MGAM2: variants seen among roughly 807,000 people sequenced by gnomAD.
The protein encoded by MGAM2 is maltase-glucoamylase 2 (putative).
A neutral mutation model predicts 96.1 loss-of-function variants in MGAM2; 98 were observed. The observed-to-expected ratio is 1.02, with a 90% confidence interval of 0.87 to 1.21. The LOEUF (loss-of-function observed/expected upper bound fraction) is 1.21. Ranked by LOEUF, MGAM2 falls within the 50% of genes most tolerant of loss-of-function variation. MGAM2 has a pLI of 0.00. For synonymous variants in MGAM2, 749 were observed against 414.8 expected, an observed-to-expected ratio of 1.81 and a Z score of -9.79; for missense variants, 2,055 against 1,182.4, an observed-to-expected ratio of 1.74 and a Z score of -10.82.
chr7:142,122,886 C>T (rs932396754), intron 3 of MGAM2, among the ~76,000 whole-genome samples: 1 of 152,038 alleles, frequency 6.6e-6, no homozygotes, highest in African/African-American at 2.4e-5. Flanking sequence ...CTGGAGTGCA[C>T]TGGGGCGATC....
rs898442833 is a variant in MGAM2 at position 142,164,837 on chromosome 7, C to CT, written c.2485-11dup. ...CTGAAGTACCTGGTTTCCAATCTGA[C>CT]TTTTTTTTCCCCTCCCAGAACCATC... On this transcript the variant is annotated intron_variant, in intron 23 of 47. Transcript: ENST00000477922. 4.0e-5 allele frequency: 27 copies of CT among 672,364 alleles called. No homozygotes were observed. Among genetic ancestry groups the CT allele is most frequent in the African/African-American group, 1.8e-4 (10 of 55,584 alleles). 41.6% of individuals were successfully genotyped at this position (672,364 alleles called of 1,614,324 possible). A position where few individuals can be genotyped will look rare whatever the true frequency, so the allele number is the denominator to read the frequency against.
In MGAM2 at chr7:142,114,134, AAAAG is replaced by A. The variant is rs1168817870; in HGVS notation, c.-1+2342_-1+2345del. 8.1e-5 allele frequency among the ~76,000 whole-genome samples: 9 copies of A among 110,582 alleles called. 1 individual carries two copies. The highest frequency in any genetic ancestry group is 1.3e-4 in the Non-Finnish European group (7 of 54,682). The allele number at this position is 110,582 out of a possible 152,430, so 72.5% of individuals were successfully genotyped here. ...CAACAGAGCGAGACTCCATCTCAAAAAAAGAAAGAAAGAAAGAAGGAAAGAAAGA... is the reference window on the plus strand; with the variant it reads ...CAACAGAGCGAGACTCCATCTCAAAAAAAGAAAGAAAGAAGGAAAGAAAGA... On this transcript the variant is annotated intron_variant, in intron 1 of 47. Coordinates refer to ENST00000477922, the MANE Select transcript of MGAM2 (RefSeq NM_001293626.2).
intron 45 of MGAM2, among the ~76,000 whole-genome samples, chr7:142,202,238 G>A (rs1341553937): frequency 1.3e-5 from 2 of 152,138 alleles, no homozygotes; most frequent in East Asian, 3.8e-4. Flanking sequence ...GTATCCATAG[G>A]CGGTTGGTTC....
chr7:142,218,813 TG>T (rs1181826864), intron 47 of MGAM2, among the ~76,000 whole-genome samples: 1 of 152,172 alleles, frequency 6.6e-6, no homozygotes, highest in African/African-American at 2.4e-5. Flanking sequence ...TGCTATGTTT[TG>T]ATAGGTTAGT....
At chr7:142,112,602 C>T (rs1563241726) in intron 1 of MGAM2, among the ~76,000 whole-genome samples, 1 of 152,136 alleles carries the variant, frequency 6.6e-6, no homozygotes, top group East Asian at 1.9e-4. Flanking sequence ...GAGACCGATC[C>T]TCTAAGTCTT....
At chr7:142,178,932 T>G (rs980016780) in intron 32 of MGAM2, among the ~76,000 whole-genome samples, 1 of 152,194 alleles carries the variant, frequency 6.6e-6, no homozygotes, top group African/African-American at 2.4e-5. Context: ...TTGTGTCATC[T>G]CTGATTTCCT....
intron 15 of MGAM2, among the ~76,000 whole-genome samples, chr7:142,152,596 A>T (rs1004621079): frequency 3.9e-5 from 6 of 152,166 alleles, no homozygotes; most frequent in Admixed American, 1.3e-4. Flanking sequence ...GTGATAGTGT[A>T]TTGAGGAATT....
rs1211849969 is a variant in MGAM2, at chr7:142,111,788, G to GA, written c.-13dup. 1.3e-5 allele frequency: 2 copies of GA among 152,156 alleles called. No homozygotes were observed. The highest frequency in any genetic ancestry group is 2.9e-5 in the Non-Finnish European group (2 of 68,040). The allele number at this position is 152,156 out of a possible 1,614,324, so 9.4% of individuals were successfully genotyped here. On this transcript the variant is annotated 5_prime_UTR_variant, in exon 1 of 48. Coordinates refer to ENST00000477922, the MANE Select transcript of MGAM2 (RefSeq NM_001293626.2). The stretch of plus-strand genomic sequence containing the variant: ...ATTGCTGAGGGAGAGATACAGCATA[G>GA]AAAAAAACAAGGTGATGCGGTGAGT...
In MGAM2 at chr7:142,217,162, T is replaced by C. The variant is rs569552813; in HGVS notation, c.5188-1199T>C. Among the ~76,000 whole-genome samples, 20 of 152,324 alleles carry C rather than the reference T, an allele frequency of 1.3e-4. 1 individual carries two copies. In the South Asian group the frequency reaches 4.1e-3, roughly 32 times the overall value. ...ATCCACTATGATTTTCATTTGGGCC[T>C]TCATCATGTGCCACCTCATAATTTA... On this transcript the variant is annotated intron_variant, in intron 46 of 47. Transcript: ENST00000477922.
chr7:142,153,955 T>G, intron 15 of MGAM2, 63 bp from the exon 16 acceptor site: 1 of 507,746 alleles, frequency 2.0e-6, no homozygotes, highest in Non-Finnish European at 3.6e-6. Context: ...CTGCTCTTAT[T>G]GTAAGGTGAG....
intron 3 of MGAM2, among the ~76,000 whole-genome samples, chr7:142,123,886 G>GT (rs1471893829): frequency 2.9e-5 from 4 of 137,062 alleles, no homozygotes; most frequent in Non-Finnish European, 6.2e-5. Context: ...AAGCATTATT[G>GT]TTTTATCCTT....
chr7:142,159,476 T>C lies in MGAM2; in HGVS notation c.2220+133T>C. 2.1e-5 allele frequency: 13 copies of C among 609,754 alleles called. No homozygotes were observed. The South Asian group carries it at 2.4e-4, about 11-fold the overall frequency. 37.8% of individuals were successfully genotyped at this position (609,754 alleles called of 1,614,324 possible). ...TTAGTTGATTGTGGTCCTTTTTCTG[T>C]GAGAAAGGCATCTTAGTTGGTTCAG... is the stretch of plus-strand genomic sequence containing the variant. On this transcript the variant is annotated intron_variant, in intron 20 of 47. Coordinates refer to ENST00000477922, the MANE Select transcript of MGAM2 (RefSeq NM_001293626.2).
intron 3 of MGAM2, among the ~76,000 whole-genome samples, chr7:142,129,715 C>T (rs996343160): frequency 6.6e-6 from 1 of 150,552 alleles, no homozygotes; most frequent in Non-Finnish European, 1.5e-5. Context: ...ATCCTAGCTA[C>T]TCAGGAGGCT....
intron 46 of MGAM2, among the ~76,000 whole-genome samples, chr7:142,212,050 G>A (rs1318970301): frequency 1.3e-5 from 2 of 152,178 alleles, no homozygotes; most frequent in Non-Finnish European, 2.9e-5. Context: ...CATTCTTAAA[G>A]AAAAGAATTT....
At chr7:142,176,702 T>C (rs56128017) in intron 32 of MGAM2, among the ~76,000 whole-genome samples, 16,639 of 152,148 alleles carry the variant, frequency 0.11, 1,180 homozygotes, top group African/African-American at 0.2. Flanking sequence ...CAGAGAGCAA[T>C]AAAGAAGTTT....
chr7:142,210,489 C>G (rs988662736), intron 46 of MGAM2, among the ~76,000 whole-genome samples: 5 of 152,108 alleles, frequency 3.3e-5, no homozygotes, highest in Non-Finnish European at 7.4e-5. Context: ...GTGGGAAGCT[C>G]GAGTTTGGTG....
Position 142,161,133 on chromosome 7 carries a change from AT to A in MGAM2, c.2356del (p.Ser786ProfsTer29), listed in dbSNP as rs1205300325. On this transcript the variant is annotated frameshift_variant, in exon 22 of 48. Coordinates refer to ENST00000477922, the MANE Select transcript of MGAM2 (RefSeq NM_001293626.2). LOFTEE classifies it high-confidence loss of function. ...PNTTTEASRR[N>X]SLGLIIALDY... Reference sequence around the variant, plus strand: ...GAAGTACTCTTTTACAGCCGGAGGAATTCCCTGGGACTCATCATCGCCTTGG... The same window carrying A: ...GAAGTACTCTTTTACAGCCGGAGGAATCCCTGGGACTCATCATCGCCTTGG... 1 of 702,406 alleles carries A rather than the reference AT, an allele frequency of 1.4e-6. No individual in the cohort carries two copies. The highest frequency in any genetic ancestry group is 1.5e-5 in the South Asian group (1 of 67,558). The allele number at this position is 702,406 out of a possible 1,614,324, so 43.5% of individuals were successfully genotyped here. A position where few individuals can be genotyped will look rare whatever the true frequency, so the allele number is the denominator to read the frequency against.
rs932191490 is a variant in MGAM2 at position 142,172,209 on chromosome 7, C to A, written c.3448+15C>A. On this transcript the variant is annotated intron_variant, in intron 29 of 47. Coordinates refer to ENST00000477922, the MANE Select transcript of MGAM2 (RefSeq NM_001293626.2). ...CAATGCCATGGGTAAGGCATAGGCACAGCTCCCATGCACCACCAGAAACAG... is the reference window on the plus strand; with the variant it reads ...CAATGCCATGGGTAAGGCATAGGCAAAGCTCCCATGCACCACCAGAAACAG... The A allele has an allele frequency of 1.4e-6, 1 of 705,186 alleles. No homozygotes were observed. The allele number at this position is 705,186 out of a possible 1,614,324, so 43.7% of individuals were successfully genotyped here.
chr7:142,171,435 C>T lies in MGAM2; in HGVS notation c.3346C>T (p.Pro1116Ser), dbSNP rs1288756339. 1 of 702,910 alleles carries T rather than the reference C, an allele frequency of 1.4e-6. No individual in the cohort carries two copies. The highest frequency in any genetic ancestry group is 2.0e-5 in the Admixed American group (1 of 49,974). 43.5% of individuals were successfully genotyped at this position (702,910 alleles called of 1,614,324 possible). Residue 1116 changes from proline to serine, a missense_variant, in exon 28 of 48, where the codon CCT becomes TCT. Coordinates refer to ENST00000477922, the MANE Select transcript of MGAM2 (RefSeq NM_001293626.2). ...TWGMFAHDEP[P>S]AYKKNSYGVH... ...GGGAATGTTTGCTCATGATGAGCCA[C>T]CTGCGGTAGGGACAAAGGAATAAGT...
Sources: allele counts gnomAD v4.1 joint callset (sites outside exome capture counted in the v4.1 genomes callset), GRCh38; gene constraint gnomAD v4.1.1; transcripts MANE v1.5; gene names NCBI Gene and HGNC (gene_info 2026-07-23, HGNC 2026-07-21).